Variants in CHRNB3 observed in about 807,000 individuals in gnomAD.
The protein encoded by CHRNB3 is neuronal acetylcholine receptor subunit beta-3.
A neutral mutation model predicts 40.6 loss-of-function variants in CHRNB3; 37 were observed. That is an observed-to-expected ratio of 0.91 (90% CI 0.70 to 1.20). The LOEUF (loss-of-function observed/expected upper bound fraction) is 1.20, where lower values mean the gene tolerates loss of function less well. Ranked by LOEUF, CHRNB3 falls within the 50% of genes most tolerant of loss-of-function variation. The pLI, the probability that CHRNB3 is intolerant of heterozygous loss-of-function variation, is 0.00. For missense variants in CHRNB3, 505 were observed against 551.2 expected (o/e 0.92, Z 0.84); for synonymous variants, 207 against 207.1 (o/e 1.00, Z 0.00).
At chr8:42,730,730 TG>T (rs772039867) in intron 4 of CHRNB3, 27 bp downstream of exon 4, 3 of 1,444,888 alleles carry the variant, frequency 2.1e-6, no homozygotes, top group Non-Finnish European at 1.9e-6. Flanking sequence ...TTCTTACTTA[TG>T]GGGAAAAAAA....
In CHRNB3 at chr8:42,707,251, G is replaced by T. The variant is rs559248009; in HGVS notation, c.53-1466G>T. ...AGGAAAGTGCCTACAGAAGCCTCCT[G>T]CACACAGGGGGATGGTGCACTGTTG... On this transcript the variant is annotated intron_variant, in intron 1 of 5. Transcript: ENST00000289957. Among the ~76,000 whole-genome samples, 46 of 152,336 alleles carry T rather than the reference G, an allele frequency of 3.0e-4. No individual in the cohort carries two copies. The South Asian group carries it at 8.9e-3, about 30-fold the overall frequency.
intron 3 of CHRNB3, among the ~76,000 whole-genome samples, chr8:42,719,359 G>C (rs941389446): frequency 6.6e-6 from 1 of 152,134 alleles, no homozygotes; most frequent in Admixed American, 6.5e-5. Context: ...GCAGGAATTG[G>C]GTGGGCTGGG....
intron 1 of CHRNB3, among the ~76,000 whole-genome samples, chr8:42,699,760 G>A (rs1815746937): frequency 1.3e-5 from 2 of 151,858 alleles, no homozygotes; most frequent in African/African-American, 4.8e-5. Context: ...AGCGAAACTC[G>A]GTCTCAAAAA....
intron 3 of CHRNB3, among the ~76,000 whole-genome samples, chr8:42,714,088 A>G (rs1816061292): frequency 6.6e-6 from 1 of 152,230 alleles, no homozygotes; most frequent in African/African-American, 2.4e-5. Flanking sequence ...TGGCACAGAC[A>G]ATGTTGGGGC....
intron 3 of CHRNB3, among the ~76,000 whole-genome samples, chr8:42,712,016 C>T (rs144435259): frequency 0.011 from 1,648 of 151,010 alleles, 33 homozygotes; most frequent in African/African-American, 0.038. Flanking sequence ...TTTTTGAGAC[C>T]GAATCTCACT....
intron 1 of CHRNB3, among the ~76,000 whole-genome samples, chr8:42,703,901 T>G (rs1365135885): frequency 6.6e-6 from 1 of 152,244 alleles, no homozygotes; most frequent in Non-Finnish European, 1.5e-5. Flanking sequence ...CCTCTAAGTC[T>G]GCTCCAATAA....
intron 5 of CHRNB3, among the ~76,000 whole-genome samples, chr8:42,735,597 G>A (rs75344602): frequency 0.014 from 2,119 of 151,950 alleles, 44 homozygotes; most frequent in African/African-American, 0.048. Context: ...TTTTCCCCAA[G>A]ACGGAGGACA....
In CHRNB3 at chr8:42,731,925, AAAGGGGATG is replaced by A; in HGVS notation, c.626_634del (p.Met209_Gly211del). 1 of 1,614,154 alleles carries A rather than the reference AAAGGGGATG, an allele frequency of 6.2e-7. No individual in the cohort carries two copies. The highest frequency in any genetic ancestry group is 8.5e-7 in the Non-Finnish European group (1 of 1,180,028). ...ACGGAGAATGGGAAATACTGAACGC[AAAGGGGATG>A]AAGGGGAACAGAAGGGACGGCGTGT... On this transcript the variant is annotated inframe_deletion, in exon 5 of 6. Coordinates refer to ENST00000289957, the MANE Select transcript of CHRNB3 (RefSeq NM_000749.5).
At chr8:42,699,423 G>T (rs1815739026) in intron 1 of CHRNB3, 5 of 152,186 alleles carry the variant, frequency 3.3e-5, no homozygotes, top group Non-Finnish European at 7.3e-5. Flanking sequence ...AATGGTTCCA[G>T]TGTCTAGGAA....
chr8:42,710,494 G>A, intron 3 of CHRNB3, 60 bp downstream of exon 3: 1 of 1,321,610 alleles, frequency 7.6e-7, no homozygotes, highest in Non-Finnish European at 1.1e-6. Flanking sequence ...TATTTATAAA[G>A]GCTCCTATCT....
chr8:42,723,905 G>A (rs548051756), intron 3 of CHRNB3, among the ~76,000 whole-genome samples: 1 of 151,538 alleles, frequency 6.6e-6, no homozygotes, highest in African/African-American at 2.4e-5. Flanking sequence ...GGCCAAAACG[G>A]TGAAACCCCG....
intron 5 of CHRNB3, among the ~76,000 whole-genome samples, chr8:42,735,273 C>T (rs1256554263): frequency 6.6e-6 from 1 of 152,046 alleles, no homozygotes; most frequent in East Asian, 1.9e-4. Context: ...TGTGGTGGCT[C>T]ACGCCTGTAA....
chr8:42,698,341 A>G (rs1815714707), intron 1 of CHRNB3, among the ~76,000 whole-genome samples: 1 of 152,222 alleles, frequency 6.6e-6, no homozygotes, highest in Non-Finnish European at 1.5e-5. Context: ...TTGAGAACAG[A>G]AAGTTTTCCC....
intron 3 of CHRNB3, among the ~76,000 whole-genome samples, chr8:42,712,593 A>G (rs571786195): frequency 2.6e-5 from 4 of 152,346 alleles, no homozygotes; most frequent in African/African-American, 9.6e-5. Context: ...TGGAATGTAT[A>G]TATAAAAATA....
chr8:42,703,034 G>A (rs1313200787), intron 1 of CHRNB3, among the ~76,000 whole-genome samples: 4 of 152,130 alleles, frequency 2.6e-5, no homozygotes, highest in African/African-American at 7.2e-5. Flanking sequence ...GGATGGTCCT[G>A]GAGGTACTTC....
At chr8:42,717,155 C>T (rs539694748) in intron 3 of CHRNB3, among the ~76,000 whole-genome samples, 29 of 148,222 alleles carry the variant, frequency 2.0e-4, no homozygotes, top group Non-Finnish European at 4.0e-4. Context: ...GGGCGGATCA[C>T]GAGGTCAGGA....
chr8:42,708,758 C>T lies in CHRNB3; in HGVS notation c.94C>T (p.Leu32Phe). ...CTCAATCGCCGAAAATGAAGATGCC[C>T]TCCTCAGACATTTGTTCCAAGGTTA... ...FNSIAENEDA[L>F]LRHLFQGYQK... The change falls in exon 2 of 6, where the codon CTC (leucine) becomes TTC (phenylalanine). Residue 32 changes from leucine (L) to phenylalanine (F), a missense_variant. Physicochemically the swap from Leu to Phe is conservative, Grantham distance 22. Transcript: ENST00000289957. 2 of 1,614,052 alleles carry T rather than the reference C, an allele frequency of 1.2e-6. No individual in the cohort carries two copies. The highest frequency in any genetic ancestry group is 1.7e-6 in the Non-Finnish European group (2 of 1,179,974).
At chr8:42,730,817 G>A (rs1816399724) in intron 4 of CHRNB3, 114 bp downstream of exon 4, 1 of 487,180 alleles carries the variant, frequency 2.1e-6, no homozygotes, top group Admixed American at 3.5e-5. Context: ...GGGAGGCCGA[G>A]GCGGGTGGAT....
chr8:42,732,109 T>A lies in CHRNB3; in HGVS notation c.802T>A (p.Ser268Thr). ...GGATGAAGGAGAAAAACTTTCATTATCCACATCGGTCTTGGTTTCTCTGAC... is the reference window on the plus strand; with the variant it reads ...GGATGAAGGAGAAAAACTTTCATTAACCACATCGGTCTTGGTTTCTCTGAC... ...PSDEGEKLSLSTSVLVSLTVF... is the reference protein window; with the variant it reads ...PSDEGEKLSLTTSVLVSLTVF... The change falls in exon 5 of 6, where the codon TCC (serine) becomes ACC (threonine). Residue 268 changes from serine (S) to threonine (T), a missense_variant. Transcript: ENST00000289957. 1.2e-6 allele frequency: 2 copies of A among 1,614,060 alleles called. No homozygotes were observed. Among genetic ancestry groups the A allele is most frequent in the Admixed American group, 3.3e-5 (2 of 59,968 alleles).
Sources: allele counts gnomAD v4.1 joint callset (sites outside exome capture counted in the v4.1 genomes callset), GRCh38; gene constraint gnomAD v4.1.1; transcripts MANE v1.5; gene names NCBI Gene and HGNC (gene_info 2026-07-23, HGNC 2026-07-21).